Variants in CAMK2D observed in about 807,000 individuals in gnomAD.
The protein encoded by CAMK2D is calcium/calmodulin-dependent protein kinase type II subunit delta.
In CAMK2D, 37 loss-of-function variants were observed where a neutral mutation model predicts 84.0. The ratio of observed to expected loss-of-function variants is 0.44; its 90% CI spans 0.34 to 0.58. The LOEUF (loss-of-function observed/expected upper bound fraction) is 0.58. Ranked by LOEUF, CAMK2D falls within the 20% of genes least tolerant of loss-of-function variation. The pLI is 0.02. For missense variants in CAMK2D, 448 were observed against 652.5 expected, an observed-to-expected ratio of 0.69 and a Z score of 3.41; for synonymous variants, 202 against 212.5, an observed-to-expected ratio of 0.95 and a Z score of 0.43.
intron 2 of CAMK2D, among the ~76,000 whole-genome samples, chr4:113,676,256 G>C (rs1053442187): frequency 3.3e-5 from 5 of 152,110 alleles, no homozygotes; most frequent in African/African-American, 1.2e-4. Flanking sequence ...TGACCTCCCT[G>C]TCTCCAGTGG....
At chr4:113,677,480 A>G (rs2099323201) in intron 2 of CAMK2D, 1 of 427,224 alleles carries the variant, frequency 2.3e-6, no homozygotes, top group African/African-American at 2.1e-5. Flanking sequence ...AACAGAATGG[A>G]GACTATATCT....
intron 2 of CAMK2D, among the ~76,000 whole-genome samples, chr4:113,752,908 C>T (rs1185446120): frequency 6.6e-6 from 1 of 152,074 alleles, no homozygotes; most frequent in African/African-American, 2.4e-5. Flanking sequence ...CTCAATCCCC[C>T]ACACTGCAAT....
intron 19 of CAMK2D, among the ~76,000 whole-genome samples, chr4:113,456,356 CTCT>C (rs1343401918): frequency 3.3e-5 from 5 of 152,142 alleles, no homozygotes; most frequent in East Asian, 3.9e-4. Flanking sequence ...TGAGTTTAAA[CTCT>C]TCTTGTTTTC....
intron 8 of CAMK2D, among the ~76,000 whole-genome samples, chr4:113,529,563 T>C (rs2154181365): frequency 6.6e-6 from 1 of 152,280 alleles, no homozygotes; most frequent in Non-Finnish European, 1.5e-5. Context: ...ATGTTGATAA[T>C]CTTAGTAGGG....
chr4:113,661,788 AC>A lies in CAMK2D; in HGVS notation c.161-17del. 1 of 1,409,508 alleles carries A rather than the reference AC, an allele frequency of 7.1e-7. No homozygotes were observed. The highest frequency in any genetic ancestry group is 9.7e-7 in the Non-Finnish European group (1 of 1,034,772). The allele number at this position is 1,409,508 out of a possible 1,614,324, so 87.3% of individuals were successfully genotyped here. ...TTCTGATGATCTGTTAAAAAAAAAA[AC>A]AGAATAAGGCAAAAATAAAGCAAAA... On this transcript the variant is annotated splice_polypyrimidine_tract_variant and intron_variant, in intron 2 of 20. Transcript: ENST00000511664.
intron 4 of CAMK2D, among the ~76,000 whole-genome samples, chr4:113,605,625 T>A (rs1448991024): frequency 6.6e-6 from 1 of 152,148 alleles, no homozygotes; most frequent in Non-Finnish European, 1.5e-5. Flanking sequence ...TCTGACAAAT[T>A]AAATGTATTA....
At chr4:113,488,049 T>G (rs2097782762) in intron 16 of CAMK2D, among the ~76,000 whole-genome samples, 1 of 152,000 alleles carries the variant, frequency 6.6e-6, no homozygotes, top group African/African-American at 2.4e-5. Context: ...GCTGACATTT[T>G]ATATTTTACA....
intron 3 of CAMK2D, among the ~76,000 whole-genome samples, chr4:113,642,065 A>C (rs1359355823): frequency 1.3e-5 from 2 of 152,046 alleles, no homozygotes; most frequent in African/African-American, 4.8e-5. Context: ...AAACAAGCAA[A>C]CAAAAAATTA....
chr4:113,628,857 A>C (rs2099077999), intron 3 of CAMK2D, among the ~76,000 whole-genome samples: 1 of 152,076 alleles, frequency 6.6e-6, no homozygotes, highest in South Asian at 2.1e-4. Flanking sequence ...ACTAAGTTGA[A>C]GGTTTGGCTG....
At chr4:113,739,124 G>T (rs1050477909) in intron 2 of CAMK2D, among the ~76,000 whole-genome samples, 7 of 152,062 alleles carry the variant, frequency 4.6e-5, no homozygotes, top group African/African-American at 1.7e-4. Context: ...ATACAATGCT[G>T]CAAAAGAACT....
chr4:113,567,387 C>T (rs950972123), intron 4 of CAMK2D, among the ~76,000 whole-genome samples: 2 of 151,968 alleles, frequency 1.3e-5, no homozygotes, highest in African/African-American at 2.4e-5. Context: ...AGGCTGCTCT[C>T]GATCTCCTGA....
intron 4 of CAMK2D, among the ~76,000 whole-genome samples, chr4:113,583,085 G>T (rs992745487): frequency 3.9e-5 from 6 of 152,130 alleles, no homozygotes; most frequent in Admixed American, 2.0e-4. Flanking sequence ...TTCATCAAGG[G>T]CTTCTAATTT....
At chr4:113,561,372 G>T (rs2098697994) in intron 4 of CAMK2D, among the ~76,000 whole-genome samples, 1 of 152,150 alleles carries the variant, frequency 6.6e-6, no homozygotes, top group Non-Finnish European at 1.5e-5. Flanking sequence ...TACTCAAGAG[G>T]CTTAGGGAGA....
At chr4:113,753,808 G>GCGGGGGCCC in intron 2 of CAMK2D, 1 of 484,340 alleles carries the variant, frequency 2.1e-6, no homozygotes, top group Non-Finnish European at 2.6e-6. Flanking sequence ...GGCGGGGGTG[G>GCGGGGGCCC]TACTTAAGCC....
chr4:113,466,506 A>G (rs1485593627), intron 16 of CAMK2D, among the ~76,000 whole-genome samples: 2 of 152,134 alleles, frequency 1.3e-5, no homozygotes, highest in Non-Finnish European at 2.9e-5. Context: ...GACAAACTCT[A>G]CAAAAGGATG....
At chr4:113,570,248 G>C (rs2098746146) in intron 4 of CAMK2D, among the ~76,000 whole-genome samples, 1 of 152,014 alleles carries the variant, frequency 6.6e-6, no homozygotes, top group African/African-American at 2.4e-5. Context: ...AATTCTAACA[G>C]TATTTTTTTT....
At chr4:113,725,206 T>A (rs1466335735) in intron 2 of CAMK2D, among the ~76,000 whole-genome samples, 7 of 152,028 alleles carry the variant, frequency 4.6e-5, no homozygotes, top group Non-Finnish European at 8.8e-5. Flanking sequence ...TTGAGTAGCA[T>A]CAAAATCATG....
At chr4:113,476,344 A>AC (rs1342711103) in intron 16 of CAMK2D, among the ~76,000 whole-genome samples, 1 of 152,214 alleles carries the variant, frequency 6.6e-6, no homozygotes, top group African/African-American at 2.4e-5. Context: ...TTTTTACCAC[A>AC]CACACATTCA....
intron 4 of CAMK2D, among the ~76,000 whole-genome samples, chr4:113,553,583 T>C (rs1424200445): frequency 3.3e-5 from 5 of 152,328 alleles, no homozygotes; most frequent in Middle Eastern, 6.8e-3. Context: ...ATTATAAACA[T>C]GTCTGAACAT....
Sources: allele counts gnomAD v4.1 joint callset (sites outside exome capture counted in the v4.1 genomes callset), GRCh38; gene constraint gnomAD v4.1.1; transcripts MANE v1.5; gene names NCBI Gene and HGNC (gene_info 2026-07-23, HGNC 2026-07-21).